The following ADK variants were observed in gnomAD, a reference collection of about 807,000 sequenced individuals.
ADK encodes the protein N6,N6-dimethyladenosine kinase.
Under a neutral mutation model 44.7 loss-of-function variants are expected in ADK, and 24 were observed. That is an observed-to-expected ratio of 0.54 (90% CI 0.39 to 0.76). The LOEUF (loss-of-function observed/expected upper bound fraction) is 0.76, where lower values mean the gene tolerates loss of function less well. Ranked by LOEUF, ADK falls within the 30% of genes least tolerant of loss-of-function variation. ADK has a pLI of 0.00. For synonymous variants in ADK, 128 were observed against 142.6 expected (o/e 0.90, Z 0.73); for missense variants, 321 against 425.1 (o/e 0.76, Z 2.15).
intron 4 of ADK, among the ~76,000 whole-genome samples, chr10:74,358,997 G>A (rs1842233619): frequency 6.6e-6 from 1 of 152,004 alleles, no homozygotes. Context: ...GTGCATTGGT[G>A]CAATCATAGC....
rs1463614737 is a variant in ADK, at chr10:74,438,229, TCTC to T, written c.555+39651_555+39653del. Among the ~76,000 whole-genome samples, 505 of 148,422 alleles carry T rather than the reference TCTC, an allele frequency of 3.4e-3. 2 individuals are homozygous for T. Among genetic ancestry groups the T allele is most frequent in the African/African-American group, 0.012 (468 of 39,018 alleles). On this transcript the variant is annotated intron_variant, in intron 6 of 10. Coordinates refer to ENST00000539909, the MANE Select transcript of ADK (RefSeq NM_006721.4). ...AGAAGGTAAGGTCCTTGCCTCTCTC[TCTC>T]TTTTTTTTTTTTTGAGACAGTCTCC...
At chr10:74,354,511 T>C (rs1191101226) in intron 4 of ADK, among the ~76,000 whole-genome samples, 2 of 152,180 alleles carry the variant, frequency 1.3e-5, no homozygotes, top group Non-Finnish European at 2.9e-5. Context: ...GGAATACTGC[T>C]TAAGGAAACC....
intron 7 of ADK, among the ~76,000 whole-genome samples, chr10:74,569,667 A>ATAT (rs1850857437): frequency 6.6e-6 from 1 of 151,990 alleles, no homozygotes; most frequent in Non-Finnish European, 1.5e-5. Flanking sequence ...TAGATTCTGG[A>ATAT]TATTAGCCCT....
At position 74,260,271 on chromosome 10, in the gene ADK, G is replaced by A. The variant is rs148477408; in HGVS notation, c.194+35680G>A. Among the ~76,000 whole-genome samples the A allele has an allele frequency of 1.8e-4, 27 of 152,208 alleles. No homozygotes were observed. The East Asian group carries it at 5.2e-3, about 29-fold the overall frequency. Reference sequence around the variant, plus strand: ...TATAGATTCTTTTGTTTGTTTGTTTGTTTTGCTTTTTAAATTAGAGACAAG... The same window carrying A: ...TATAGATTCTTTTGTTTGTTTGTTTATTTTGCTTTTTAAATTAGAGACAAG... On this transcript the variant is annotated intron_variant, in intron 3 of 10. Coordinates refer to ENST00000539909, the MANE Select transcript of ADK (RefSeq NM_006721.4).
intron 6 of ADK, among the ~76,000 whole-genome samples, chr10:74,475,877 A>G (rs574586974): frequency 3.9e-4 from 60 of 152,120 alleles, no homozygotes; most frequent in South Asian, 2.1e-4. Context: ...CCAGCATCTG[A>G]GCACTGTTTT....
At chr10:74,380,614 T>C (rs1265986131) in intron 4 of ADK, among the ~76,000 whole-genome samples, 1 of 151,918 alleles carries the variant, frequency 6.6e-6, no homozygotes, top group South Asian at 2.1e-4. Flanking sequence ...AAAAATTAGC[T>C]GGGTGTGGTG....
At chr10:74,698,757 C>A (rs1209207203) in intron 10 of ADK, among the ~76,000 whole-genome samples, 1 of 152,134 alleles carries the variant, frequency 6.6e-6, no homozygotes, top group Admixed American at 6.5e-5. Context: ...CGGAATTTTG[C>A]CATGTTGCCC....
intron 6 of ADK, among the ~76,000 whole-genome samples, chr10:74,417,903 CAA>C (rs1046149873): frequency 2.8e-4 from 43 of 152,138 alleles, no homozygotes; most frequent in African/African-American, 1.0e-3. Context: ...CACAATATAT[CAA>C]AACATATTTT....
chr10:74,644,354 G>C (rs1459818815), intron 9 of ADK, among the ~76,000 whole-genome samples: 2 of 152,224 alleles, frequency 1.3e-5, no homozygotes, highest in East Asian at 3.8e-4. Context: ...GTTCAGTTAA[G>C]AGGGGCAATG....
At chr10:74,470,500 G>A (rs931488703) in intron 6 of ADK, among the ~76,000 whole-genome samples, 1 of 151,822 alleles carries the variant, frequency 6.6e-6, no homozygotes, top group African/African-American at 2.4e-5. Flanking sequence ...ATTTTTTGAG[G>A]ATACTTCATA....
chr10:74,691,487 TTAAG>T (rs1268525652), intron 10 of ADK, among the ~76,000 whole-genome samples: 5 of 152,174 alleles, frequency 3.3e-5, no homozygotes, highest in South Asian at 2.1e-4. Context: ...CATTGGTAAC[TTAAG>T]TGAGTGAGCA....
At position 74,177,254 on chromosome 10, in the gene ADK, G is replaced by A. The variant is rs1053285355; in HGVS notation, c.66-23510G>A. Among the ~76,000 whole-genome samples, 4 of 152,192 alleles carry A rather than the reference G, an allele frequency of 2.6e-5. No homozygotes were observed. In the South Asian group the frequency reaches 8.3e-4, roughly 31 times the overall value. ...CGTGCACAGTGTGTGTCATGCCTGCGTGTCATGCCCTCTGACAGAACTTCA... is the reference window on the plus strand; with the variant it reads ...CGTGCACAGTGTGTGTCATGCCTGCATGTCATGCCCTCTGACAGAACTTCA... On this transcript the variant is annotated intron_variant, in intron 1 of 10. Transcript: ENST00000539909.
chr10:74,671,371 T>C (rs764003794), intron 10 of ADK, among the ~76,000 whole-genome samples: 1 of 152,114 alleles, frequency 6.6e-6, no homozygotes, highest in Non-Finnish European at 1.5e-5. Context: ...CTGATTTTTG[T>C]ACTTTTAGTG....
At chr10:74,634,874 G>C (rs1457243696) in intron 9 of ADK, among the ~76,000 whole-genome samples, 1 of 152,152 alleles carries the variant, frequency 6.6e-6, no homozygotes, top group Non-Finnish European at 1.5e-5. Context: ...GAACCTGGGA[G>C]GTAGAGGTTG....
intron 6 of ADK, among the ~76,000 whole-genome samples, chr10:74,403,456 C>T (rs1843788211): frequency 6.6e-6 from 1 of 152,184 alleles, no homozygotes; most frequent in Non-Finnish European, 1.5e-5. Flanking sequence ...GGCACCCCTC[C>T]CCCAGCCTCA....
chr10:74,696,661 T>C (rs937648909), intron 10 of ADK, among the ~76,000 whole-genome samples: 3 of 152,210 alleles, frequency 2.0e-5, no homozygotes, highest in Non-Finnish European at 2.9e-5. Context: ...TGAGTCACCA[T>C]GCCCAGCCCT....
chr10:74,210,330 GAAAAA>G (rs57852507), intron 2 of ADK, among the ~76,000 whole-genome samples: 27 of 84,920 alleles, frequency 3.2e-4, no homozygotes, highest in Non-Finnish European at 5.0e-4. Flanking sequence ...TCCATCTCAG[GAAAAA>G]AAAAAAAAAA....
chr10:74,206,292 A>G (rs1248915433), intron 2 of ADK, among the ~76,000 whole-genome samples: 2 of 152,232 alleles, frequency 1.3e-5, no homozygotes, highest in Non-Finnish European at 2.9e-5. Context: ...TGTCTGAAGA[A>G]GAAAGATAAG....
rs1159981106 is a variant in ADK, at chr10:74,407,700, ACTACTTGACT to A, written c.555+9125_555+9134del. On this transcript the variant is annotated intron_variant, in intron 6 of 10. Coordinates refer to ENST00000539909, the MANE Select transcript of ADK (RefSeq NM_006721.4). ...GCCAGCTTGGCCTCCCTGAATGGAAACTACTTGACTCTATTTAGGTTCTTCCTTCCCGCTC... is the reference window on the plus strand; with the variant it reads ...GCCAGCTTGGCCTCCCTGAATGGAAACTATTTAGGTTCTTCCTTCCCGCTC... Among the ~76,000 whole-genome samples, 7 of 152,216 alleles carry A rather than the reference ACTACTTGACT, an allele frequency of 4.6e-5. No individual in the cohort carries two copies. The East Asian group carries it at 1.2e-3, about 25-fold the overall frequency.
Sources: allele counts gnomAD v4.1 joint callset (sites outside exome capture counted in the v4.1 genomes callset), GRCh38; gene constraint gnomAD v4.1.1; transcripts MANE v1.5; gene names NCBI Gene and HGNC (gene_info 2026-07-23, HGNC 2026-07-21).